Variants in LRRC37A2 observed in about 807,000 individuals in gnomAD.
LRRC37A2 encodes the protein leucine rich repeat containing 37 member A2, also known as leucine-rich repeat-containing protein 37A2.
Under a neutral mutation model 68.8 loss-of-function variants are expected in LRRC37A2, and 9 were observed. The observed-to-expected ratio is 0.13, with a 90% CI of 0.08 to 0.23. The LOEUF (loss-of-function observed/expected upper bound fraction) is 0.23. LRRC37A2 is among the 10% of genes least tolerant of loss of function. The pLI is 1.00. For synonymous variants in LRRC37A2, 63 were observed against 367.6 expected (o/e 0.17, Z 9.48); for missense variants, 168 against 950.4 (o/e 0.18, Z 10.82).
chr17:46,746,619 A>G, the LRRC37A2 span, among the ~76,000 whole-genome samples: 1 of 152,134 alleles, frequency 6.6e-6, no homozygotes, highest in Admixed American at 6.5e-5. Flanking sequence ...CATAAGTTTA[A>G]AACTTATTCC....
chr17:46,947,636 C>A, the LRRC37A2 span, among the ~76,000 whole-genome samples: 2 of 152,186 alleles, frequency 1.3e-5, no homozygotes, highest in African/African-American at 4.8e-5. Flanking sequence ...CCTGACTTTG[C>A]TGTTTATTAG....
chr17:46,965,335 T>C, the LRRC37A2 span, among the ~76,000 whole-genome samples: 2 of 152,246 alleles, frequency 1.3e-5, no homozygotes, highest in Admixed American at 1.3e-4. Context: ...TGACAAAGCC[T>C]GAGTGTTGCC....
At chr17:46,824,626 CAAAG>C in the LRRC37A2 span, among the ~76,000 whole-genome samples, 1 of 152,238 alleles carries the variant, frequency 6.6e-6, no homozygotes, top group South Asian at 2.1e-4. Flanking sequence ...GAAATCTCCA[CAAAG>C]AAACTCCCTC....
the LRRC37A2 span, among the ~76,000 whole-genome samples, chr17:46,785,255 C>A: frequency 6.6e-6 from 1 of 152,212 alleles, no homozygotes; most frequent in Non-Finnish European, 1.5e-5. Context: ...CTATCCCTCA[C>A]GTTGCCTCGG....
the LRRC37A2 span, among the ~76,000 whole-genome samples, chr17:46,745,170 C>T: frequency 6.6e-6 from 1 of 152,168 alleles, no homozygotes; most frequent in Non-Finnish European, 1.5e-5. Context: ...AGCTGCATCC[C>T]CATTTCATGC....
the LRRC37A2 span, among the ~76,000 whole-genome samples, chr17:46,945,608 T>C: frequency 6.6e-6 from 1 of 152,144 alleles, no homozygotes; most frequent in Non-Finnish European, 1.5e-5. Flanking sequence ...GCGTGGGCTA[T>C]GCAGAAGGGA....
At chr17:46,819,121 G>A in the LRRC37A2 span, among the ~76,000 whole-genome samples, 4 of 152,174 alleles carry the variant, frequency 2.6e-5, no homozygotes, top group African/African-American at 9.7e-5. This position sits in a 1 kb window ranked among gnomAD's most constrained non-coding sequence, Gnocchi z 5.3. Flanking sequence ...AGGAATCGAG[G>A]GTAGAAAGCA....
the LRRC37A2 span, among the ~76,000 whole-genome samples, chr17:46,878,817 G>A: frequency 1.2e-3 from 180 of 152,344 alleles, no homozygotes; most frequent in African/African-American, 4.1e-3. Context: ...AGGGCAAAGG[G>A]CAGGCTCTAA....
At chr17:46,811,578 G>A in the LRRC37A2 span, among the ~76,000 whole-genome samples, 1 of 152,120 alleles carries the variant, frequency 6.6e-6, no homozygotes, top group African/African-American at 2.4e-5. Context: ...CAACAGAAAA[G>A]GAGCAAACCT....
At chr17:47,013,061 C>G in the LRRC37A2 span, among the ~76,000 whole-genome samples, 2 of 152,154 alleles carry the variant, frequency 1.3e-5, no homozygotes, top group Admixed American at 6.5e-5. Flanking sequence ...GCGCTCCAGC[C>G]TGAATGAACC....
chr17:46,986,829 G>T, the LRRC37A2 span, among the ~76,000 whole-genome samples: 2 of 152,118 alleles, frequency 1.3e-5, no homozygotes, highest in African/African-American at 4.8e-5. Context: ...CTGCTGGGGG[G>T]AACAGTCACA....
At chr17:46,880,718 G>A in the LRRC37A2 span, among the ~76,000 whole-genome samples, 24 of 152,138 alleles carry the variant, frequency 1.6e-4, no homozygotes, top group African/African-American at 5.8e-4. Flanking sequence ...TCCAAAGTAT[G>A]GGATTTTTTT....
chr17:46,961,262 G>A, the LRRC37A2 span, among the ~76,000 whole-genome samples: 90 of 152,298 alleles, frequency 5.9e-4, 1 homozygote, highest in Admixed American at 1.7e-3. Flanking sequence ...AAAGAAGTAA[G>A]AGAAGAAACA....
At chr17:46,716,632 T>C in the LRRC37A2 span, among the ~76,000 whole-genome samples, 1 of 151,996 alleles carries the variant, frequency 6.6e-6, no homozygotes, top group East Asian at 1.9e-4. Context: ...ATTTATAGAG[T>C]TTTATAATTC....
chr17:46,938,628 C>G, the LRRC37A2 span: 4 of 1,613,950 alleles, frequency 2.5e-6, no homozygotes, highest in Middle Eastern at 1.6e-4. Flanking sequence ...TTGACATTGC[C>G]AACATGCTGG....
the LRRC37A2 span, among the ~76,000 whole-genome samples, chr17:46,759,807 C>T: frequency 6.6e-6 from 1 of 152,198 alleles, no homozygotes; most frequent in South Asian, 2.1e-4. Context: ...GCTTTCCTTC[C>T]CTTCTTTCTT....
the LRRC37A2 span, among the ~76,000 whole-genome samples, chr17:46,761,306 G>T: frequency 6.6e-6 from 1 of 151,114 alleles, no homozygotes; most frequent in African/African-American, 2.5e-5. Flanking sequence ...GCGGCTCATG[G>T]CTTTATTTTC....
the LRRC37A2 span, among the ~76,000 whole-genome samples, chr17:46,867,566 G>A: frequency 6.6e-6 from 1 of 152,364 alleles, no homozygotes; most frequent in Non-Finnish European, 1.5e-5. Context: ...TTACTGAAGG[G>A]TGAGGTCCCT....
the LRRC37A2 span, among the ~76,000 whole-genome samples, chr17:46,744,631 A>AC: frequency 6.6e-6 from 1 of 152,184 alleles, no homozygotes; most frequent in East Asian, 1.9e-4. Context: ...GAAAAAAAAA[A>AC]GCTTTCTTCC....
Sources: allele counts gnomAD v4.1 joint callset (sites outside exome capture counted in the v4.1 genomes callset), GRCh38; gene constraint gnomAD v4.1.1; non-coding constraint Gnocchi (gnomAD v3.1); transcripts MANE v1.5; gene names NCBI Gene and HGNC (gene_info 2026-07-23, HGNC 2026-07-21).